Variants in ALDH1A2 observed in about 807,000 individuals in gnomAD.
ALDH1A2 encodes aldehyde dehydrogenase 1 family member A2.
A neutral mutation model predicts 60.3 loss-of-function variants in ALDH1A2; 27 were observed. The observed-to-expected ratio is 0.45, with a 90% CI of 0.33 to 0.62. The LOEUF is 0.62. Among genes scored for constraint, ALDH1A2 ranks in the 20% least tolerant of loss-of-function variants. The pLI is 0.02. For missense variants in ALDH1A2, 581 were observed against 643.8 expected, an observed-to-expected ratio of 0.90 and a Z score of 1.06; for synonymous variants, 289 against 232.4, an observed-to-expected ratio of 1.24 and a Z score of -2.21.
chr15:58,040,477 G>T (rs1225381055), intron 1 of ALDH1A2, among the ~76,000 whole-genome samples: 2 of 151,870 alleles, frequency 1.3e-5, no homozygotes, highest in Non-Finnish European at 2.9e-5. Context: ...TATGTACTGT[G>T]AACTTTCACC....
chr15:58,064,302 T>C (rs1161281274), intron 1 of ALDH1A2, among the ~76,000 whole-genome samples: 3 of 152,182 alleles, frequency 2.0e-5, no homozygotes, highest in African/African-American at 7.2e-5. Context: ...TTTGAAAAAT[T>C]TGTCACACCA....
intron 1 of ALDH1A2, among the ~76,000 whole-genome samples, chr15:58,026,572 C>T (rs1367168725): frequency 1.3e-5 from 2 of 152,166 alleles, no homozygotes; most frequent in Admixed American, 1.3e-4. Flanking sequence ...GACATCACCT[C>T]ACCCAGGAAG....
Position 58,010,764 on chromosome 15 carries a change from T to C in ALDH1A2, c.378A>G (p.Leu126=), listed in dbSNP as rs1421766207. The C allele has an allele frequency of 6.2e-7, 1 of 1,613,332 alleles. No homozygotes were observed. The change falls in exon 4 of 13, where the codon CTA becomes CTG. Residue 126 remains leucine (L), a synonymous_variant. Coordinates refer to ENST00000249750, the MANE Select transcript of ALDH1A2 (RefSeq NM_003888.4). ...DRAVLATMES[L]NGGKPFLQAF... ...CTTGCAGGAATGGTTTGCCACCATT[T>C]AGGGATTCCATGGTCTGTTGGAAGA...
chr15:58,041,341 C>T (rs571305644), intron 1 of ALDH1A2, among the ~76,000 whole-genome samples: 4 of 152,036 alleles, frequency 2.6e-5, no homozygotes, highest in African/African-American at 7.2e-5. Context: ...AGAATTTGCA[C>T]AGACCAGTGT....
At chr15:57,984,492 C>A (rs1343696572) in intron 7 of ALDH1A2, among the ~76,000 whole-genome samples, 1 of 152,032 alleles carries the variant, frequency 6.6e-6, no homozygotes, top group African/African-American at 2.4e-5. Flanking sequence ...ACATAAATAC[C>A]CCAAAAAGAT....
intron 3 of ALDH1A2, among the ~76,000 whole-genome samples, chr15:58,011,005 T>C (rs1437388051): frequency 2.0e-5 from 3 of 152,192 alleles, no homozygotes; most frequent in South Asian, 2.1e-4. Flanking sequence ...GTGCTTCCAG[T>C]AACCACTATC....
At chr15:57,983,278 T>C (rs1366290990) in intron 7 of ALDH1A2, among the ~76,000 whole-genome samples, 1 of 152,230 alleles carries the variant, frequency 6.6e-6, no homozygotes, top group African/African-American at 2.4e-5. Context: ...TGAGAATAAA[T>C]GATACCACTA....
rs528706112 is a variant in ALDH1A2 at position 57,973,619 on chromosome 15, T to C, written c.799-7792A>G. On this transcript the variant is annotated intron_variant, in intron 7 of 12. Transcript: ENST00000249750. ...ATTATGTGATCGTTTGATTTGCCTG[T>C]GAAAATTCTCCATCCACCACTACTA... 4.6e-5 allele frequency among the ~76,000 whole-genome samples: 7 copies of C among 152,352 alleles called. No individual in the cohort carries two copies. The South Asian group carries it at 1.4e-3, about 32-fold the overall frequency.
chr15:58,045,921 G>C (rs553988064), intron 1 of ALDH1A2, among the ~76,000 whole-genome samples: 142 of 152,006 alleles, frequency 9.3e-4, no homozygotes, highest in African/African-American at 3.4e-3. Context: ...TACTTTATTA[G>C]AGACACTCCA....
intron 2 of ALDH1A2, 46 bp from the exon 3 acceptor site, chr15:58,014,044 A>C (rs1476285468): frequency 1.6e-5 from 26 of 1,613,870 alleles, no homozygotes; most frequent in Non-Finnish European, 2.2e-5. Flanking sequence ...ACTCCAAATA[A>C]AGGAAGAACC....
At chr15:57,958,327 C>A (rs1246637763) in intron 12 of ALDH1A2, among the ~76,000 whole-genome samples, 550 of 152,338 alleles carry the variant, frequency 3.6e-3, no homozygotes, top group African/African-American at 0.013. Flanking sequence ...GAATTCTTTC[C>A]ATCTCCTCAG....
intron 12 of ALDH1A2, among the ~76,000 whole-genome samples, chr15:57,959,465 C>T (rs564869208): frequency 6.6e-6 from 1 of 152,300 alleles, no homozygotes; most frequent in South Asian, 2.1e-4. Flanking sequence ...GTGACACCAG[C>T]TGGAATTTGG....
At position 57,962,153 on chromosome 15, in the gene ALDH1A2, C is replaced by A; in HGVS notation, c.1110G>T (p.Lys370Asn). The A allele has an allele frequency of 1.2e-6, 2 of 1,614,158 alleles. No individual in the cohort carries two copies. The highest frequency in any genetic ancestry group is 1.7e-6 in the Non-Finnish European group (2 of 1,180,010). ...CACCACTCTGGATGAGTTCCAAGAT[C>A]TTGTTGTACTGTTTCTTATCAATCT... The part of the protein sequence containing the change: ...GPQIDKKQYN[K>N]ILELIQSGVA... Residue 370 changes from lysine to asparagine, a missense_variant, in exon 10 of 13, where the codon AAG (lysine) becomes AAT (asparagine). Physicochemically the swap from Lys to Asn is moderately conservative, Grantham distance 94 (BLOSUM62 0). Coordinates refer to ENST00000249750, the MANE Select transcript of ALDH1A2 (RefSeq NM_003888.4).
At chr15:58,056,075 A>C (rs1238185387) in intron 1 of ALDH1A2, among the ~76,000 whole-genome samples, 1 of 152,144 alleles carries the variant, frequency 6.6e-6, no homozygotes, top group African/African-American at 2.4e-5. Flanking sequence ...ACCACAGCTA[A>C]TATTTAAGTA....
chr15:57,983,984 TACAATGTGTCTATGACC>T (rs1894610011), intron 7 of ALDH1A2, among the ~76,000 whole-genome samples: 1 of 152,240 alleles, frequency 6.6e-6, no homozygotes, highest in Non-Finnish European at 1.5e-5. Context: ...AAAACGGAGT[TACAATGTGTCTATGACC>T]TAAGCATGCT....
chr15:57,993,150 T>C, intron 5 of ALDH1A2, 77 bp from the exon 6 acceptor site: 1 of 1,555,572 alleles, frequency 6.4e-7, no homozygotes, highest in Non-Finnish European at 8.7e-7. Context: ...TGACTTCTCA[T>C]ATTTCTCAAA....
intron 4 of ALDH1A2, among the ~76,000 whole-genome samples, chr15:58,004,407 T>TA (rs2140506224): frequency 6.6e-6 from 1 of 151,950 alleles, no homozygotes; most frequent in Non-Finnish European, 1.5e-5. Flanking sequence ...CTTGGGCTTC[T>TA]AGTGCGCCCA....
At position 58,065,632 on chromosome 15, in the gene ALDH1A2, C is replaced by G. The variant is rs1415604433; in HGVS notation, c.19G>C (p.Glu7Gln). 6.2e-7 allele frequency: 1 copy of G among 1,603,218 alleles called. No homozygotes were observed. MTSSKI[E>Q]MPGEVKADPA... is the part of the protein sequence containing the mutation. ...TCGGCCTTCACCTCGCCGGGCATCT[C>G]TATCTTGCTGGAAGTCATGGTGGCG... The change falls in exon 1 of 13, where the codon GAG (glutamate) becomes CAG (glutamine). Residue 7 changes from glutamate to glutamine, a missense_variant. Transcript: ENST00000249750.
chr15:57,996,944 C>T (rs904422531), intron 4 of ALDH1A2, among the ~76,000 whole-genome samples: 3 of 151,910 alleles, frequency 2.0e-5, no homozygotes, highest in East Asian at 3.9e-4. Context: ...TTGGGTTATT[C>T]TTTTTAGCCA....
Sources: gnomAD v4.1 joint callset for allele counts (sites outside exome capture counted in the v4.1 genomes callset) on GRCh38, gnomAD v4.1.1 for gene constraint, MANE v1.5 for transcripts, NCBI Gene and HGNC (gene_info 2026-07-23, HGNC 2026-07-21) for gene names.